Variants in SLC1A7 observed in about 807,000 individuals in gnomAD.
The protein encoded by SLC1A7 is solute carrier family 1 member 7.
In SLC1A7, 40 loss-of-function variants were observed where a neutral mutation model predicts 47.7. That is an observed-to-expected ratio of 0.84 (90% CI 0.65 to 1.09). The LOEUF (loss-of-function observed/expected upper bound fraction) is 1.09, where lower values mean the gene tolerates loss of function less well. SLC1A7 is among the 50% of genes least tolerant of loss of function. The pLI is 0.00. For missense variants in SLC1A7, 746 were observed against 769.5 expected (o/e 0.97, Z 0.36); for synonymous variants, 323 against 325.6 (o/e 0.99, Z 0.09).
chr1:53,098,092 TGGTACACTCACTTTGCCTC>T (rs1644521281), intron 5 of SLC1A7, among the ~76,000 whole-genome samples: 1 of 144,602 alleles, frequency 6.9e-6, no homozygotes, highest in African/African-American at 2.6e-5. Flanking sequence ...CACCCTACCT[TGGTACACTCACTTTGCCTC>T]GGTACACTCA....
chr1:53,129,600 TATGGGAA>T (rs1553164895), intron 2 of SLC1A7, among the ~76,000 whole-genome samples: 16 of 137,806 alleles, frequency 1.2e-4, no homozygotes, highest in South Asian at 4.6e-4. Context: ...GATGCCAGAT[TATGGGAA>T]GAGTGACTGA....
chr1:53,100,321 A>G (rs547242085), intron 5 of SLC1A7, among the ~76,000 whole-genome samples: 94 of 148,082 alleles, frequency 6.3e-4, no homozygotes, highest in African/African-American at 2.3e-3. Flanking sequence ...CAGTACACAT[A>G]CACACCCCGC....
At chr1:53,137,287 CA>C (rs60113708) in intron 1 of SLC1A7, among the ~76,000 whole-genome samples, 32,087 of 100,850 alleles carry the variant, frequency 0.32, 5,026 homozygotes, top group South Asian at 0.58. Flanking sequence ...ACGCTATCTC[CA>C]AAAAAAAAAA....
At chr1:53,093,678 C>A in intron 5 of SLC1A7, 118 bp from the exon 6 acceptor site, 1 of 692,502 alleles carries the variant, frequency 1.4e-6, no homozygotes, top group South Asian at 1.8e-5. Context: ...CCCACTCCCC[C>A]CACTCTCTCT....
chr1:53,116,843 C>T (rs1382097975), intron 2 of SLC1A7, among the ~76,000 whole-genome samples: 2 of 152,230 alleles, frequency 1.3e-5, no homozygotes, highest in Non-Finnish European at 2.9e-5. Flanking sequence ...GCATTCAAAC[C>T]TTTCGCACAT....
At chr1:53,093,680 A>ACT (rs1425711338) in intron 5 of SLC1A7, 120 bp from the exon 6 acceptor site, 3 of 618,762 alleles carry the variant, frequency 4.8e-6, no homozygotes, top group African/African-American at 4.8e-5. Context: ...CACTCCCCCC[A>ACT]CTCTCTCTCT....
At position 53,109,794 on chromosome 1, in the gene SLC1A7, G is replaced by A. The variant is rs113121133; in HGVS notation, c.432-4020C>T. 3.0e-3 allele frequency among the ~76,000 whole-genome samples: 460 copies of A among 152,282 alleles called. 3 individuals are homozygous for A. Among genetic ancestry groups the A allele is most frequent in the African/African-American group, 0.011 (445 of 41,554 alleles). On this transcript the variant is annotated intron_variant, in intron 3 of 10. Transcript: ENST00000371494. ...TGGCTGTCAGTGCACCCACTTGTCC[G>A]TCTGTCCTAAGATGGTGGGCAGCCC...
chr1:53,102,490 C>T (rs11206099), intron 5 of SLC1A7: 29,956 of 152,666 alleles, frequency 0.2, 3,059 homozygotes, highest in Middle Eastern at 0.29. Context: ...GGGGAGCACC[C>T]TGAAGATGAC....
intron 2 of SLC1A7, among the ~76,000 whole-genome samples, chr1:53,120,895 T>G (rs1462224932): frequency 6.6e-6 from 1 of 152,236 alleles, no homozygotes; most frequent in Admixed American, 6.5e-5. Flanking sequence ...GCCCTGGCCC[T>G]AGGCAAGGCG....
intron 2 of SLC1A7, among the ~76,000 whole-genome samples, chr1:53,117,105 G>A (rs1644770787): frequency 6.6e-6 from 1 of 152,230 alleles, no homozygotes; most frequent in Non-Finnish European, 1.5e-5. Flanking sequence ...CTCCCTGGAG[G>A]AGGTGGCATT....
chr1:53,135,548 TAAGGCGCC>T (rs1446445824), intron 1 of SLC1A7, among the ~76,000 whole-genome samples: 2 of 152,228 alleles, frequency 1.3e-5, no homozygotes, highest in Admixed American at 1.3e-4. Flanking sequence ...GATCTCTGAC[TAAGGCGCC>T]AACTCCTTGC....
intron 5 of SLC1A7, among the ~76,000 whole-genome samples, chr1:53,095,925 TCACA>T (rs1346912444): frequency 1.4e-5 from 2 of 143,490 alleles, no homozygotes; most frequent in African/African-American, 2.7e-5. Flanking sequence ...CTCGGTACAC[TCACA>T]CAAACTGCCT....
intron 1 of SLC1A7, among the ~76,000 whole-genome samples, chr1:53,135,582 G>A (rs1293766960): frequency 6.6e-6 from 1 of 152,080 alleles, no homozygotes; most frequent in Non-Finnish European, 1.5e-5. Context: ...AAGCTGTCTC[G>A]CAAGTAACAG....
chr1:53,110,227 G>A (rs935026214), intron 3 of SLC1A7, among the ~76,000 whole-genome samples: 1 of 152,182 alleles, frequency 6.6e-6, no homozygotes, highest in Non-Finnish European at 1.5e-5. Flanking sequence ...GGGAAACTGA[G>A]GCCTGGAGAG....
intron 3 of SLC1A7, among the ~76,000 whole-genome samples, chr1:53,108,899 C>A (rs1644673913): frequency 6.6e-6 from 1 of 152,196 alleles, no homozygotes; most frequent in African/African-American, 2.4e-5. Flanking sequence ...ATTTATCCTG[C>A]AGATTTTAAT....
At chr1:53,132,809 G>A (rs1212013219) in intron 2 of SLC1A7, among the ~76,000 whole-genome samples, 3 of 152,190 alleles carry the variant, frequency 2.0e-5, no homozygotes, top group Admixed American at 6.5e-5. Context: ...TTGTGCCACT[G>A]CACTCTAGCC....
At chr1:53,108,169 G>C (rs34203701) in intron 3 of SLC1A7, 2 of 192,836 alleles carry the variant, frequency 1.0e-5, no homozygotes, top group South Asian at 1.9e-4. Context: ...AGAGGCTTCC[G>C]TTGCATGCCT....
At chr1:53,121,582 T>C (rs1054492175) in intron 2 of SLC1A7, among the ~76,000 whole-genome samples, 15 of 152,184 alleles carry the variant, frequency 9.9e-5, no homozygotes, top group African/African-American at 3.6e-4. Flanking sequence ...GTGGAGCAGA[T>C]TTGTAGAGGA....
chr1:53,090,879 C>T (rs986878895), intron 7 of SLC1A7, 73 bp from the exon 8 acceptor site: 8 of 1,552,482 alleles, frequency 5.2e-6, no homozygotes, highest in South Asian at 3.6e-5. Flanking sequence ...GGGAAGCTCA[C>T]CCCTCCCCAG....
Sources: allele counts gnomAD v4.1 joint callset (sites outside exome capture counted in the v4.1 genomes callset), GRCh38; gene constraint gnomAD v4.1.1; transcripts MANE v1.5; gene names NCBI Gene and HGNC (gene_info 2026-07-23, HGNC 2026-07-21).